LIG1: variants seen among roughly 807,000 people sequenced by gnomAD.
LIG1 encodes ligase I, DNA, ATP-dependent.
LIG1 carries 70 observed loss-of-function variants against 115.7 expected under a neutral mutation model. That is an observed-to-expected ratio of 0.60 (90% CI 0.50 to 0.74). LIG1 has a LOEUF of 0.74. LIG1 is among the 30% of genes least tolerant of loss of function. LIG1 has a pLI of 0.00. For missense variants in LIG1, 1,115 were observed against 1,225.6 expected, an observed-to-expected ratio of 0.91 and a Z score of 1.35; for synonymous variants, 487 against 495.3, an observed-to-expected ratio of 0.98 and a Z score of 0.22.
At chr19:48,118,174 G>A (rs1246558894) in intron 25 of LIG1, among the ~76,000 whole-genome samples, 1 of 152,142 alleles carries the variant, frequency 6.6e-6, no homozygotes, top group Admixed American at 6.5e-5. Context: ...CAGAGATGTA[G>A]AGAGAGAGGG....
At chr19:48,162,138 G>T in intron 3 of LIG1, 124 bp downstream of exon 3, 1 of 832,794 alleles carries the variant, frequency 1.2e-6, no homozygotes, top group Non-Finnish European at 2.1e-6. Context: ...TTGGACTTCT[G>T]GCCACCTGGC....
intron 6 of LIG1, among the ~76,000 whole-genome samples, 182 bp downstream of exon 6, chr19:48,153,687 CACA>C (rs1568538302): frequency 2.8e-4 from 37 of 130,024 alleles, no homozygotes; most frequent in African/African-American, 5.4e-4. Context: ...CACACACACA[CACA>C]CCTCTCCTTC....
chr19:48,163,401 A>C (rs1442868432), intron 2 of LIG1, among the ~76,000 whole-genome samples: 3 of 151,808 alleles, frequency 2.0e-5, no homozygotes, highest in Admixed American at 6.6e-5. Flanking sequence ...TTTTTCATTT[A>C]GTAGAGAAGG....
intron 21 of LIG1, 31 bp from the exon 22 acceptor site, chr19:48,123,349 G>A (rs755830886): frequency 6.2e-7 from 1 of 1,608,796 alleles, no homozygotes; most frequent in South Asian, 1.1e-5. Context: ...AGAGAGATGA[G>A]ACATCTTTGT....
At chr19:48,167,752 G>A (rs572040497) in intron 1 of LIG1, among the ~76,000 whole-genome samples, 1 of 151,318 alleles carries the variant, frequency 6.6e-6, no homozygotes, top group African/African-American at 2.4e-5. Context: ...CTTGATCCCA[G>A]GAGGCAGAGG....
chr19:48,154,141 T>G lies in LIG1; in HGVS notation c.371-174A>C, dbSNP rs951066977. 8 of 670,308 alleles carry G rather than the reference T, an allele frequency of 1.2e-5. No individual in the cohort carries two copies. In the African/African-American group the frequency reaches 1.4e-4, roughly 12 times the overall value. The allele number at this position is 670,308 out of a possible 1,614,324, so 41.5% of individuals were successfully genotyped here. On this transcript the variant is annotated intron_variant, in intron 5 of 27. Transcript: ENST00000263274. ...GCACCCTTCAATCCCTCCTGCTTCC[T>G]GGCTGTGTGACCTTGGGCAGGTTAC...
intron 4 of LIG1, among the ~76,000 whole-genome samples, chr19:48,158,441 C>T (rs1239195987): frequency 2.0e-5 from 3 of 152,196 alleles, no homozygotes; most frequent in South Asian, 2.1e-4. Context: ...AATAAGTTTG[C>T]GTCTTGCCTA....
chr19:48,116,237 A>C, intron 26 of LIG1: 2 of 416,088 alleles, frequency 4.8e-6, no homozygotes, highest in South Asian at 4.2e-5. Flanking sequence ...AGGTCAGGAG[A>C]TGGAGACTAT....
Position 48,149,809 on chromosome 19 carries a change from T to C in LIG1, c.730A>G (p.Lys244Glu). 1.2e-6 allele frequency: 2 copies of C among 1,614,060 alleles called. No individual in the cohort carries two copies. The highest frequency in any genetic ancestry group is 1.7e-6 in the Non-Finnish European group (2 of 1,179,990). ...PRKPAVKKEV[K>E]EEEPGAPGKE... ...CCTGGAGCCCCTGGCTCCTCTTCCTTCACTTCTTTTTTGACTGCTGGCTTC... is the reference window on the plus strand; with the variant it reads ...CCTGGAGCCCCTGGCTCCTCTTCCTCCACTTCTTTTTTGACTGCTGGCTTC... Residue 244 changes from lysine to glutamate, a missense_variant, in exon 9 of 28, where the codon AAG becomes GAG. Physicochemically the swap from Lys to Glu is moderately conservative, Grantham distance 56. Transcript: ENST00000263274.
Position 48,135,558 on chromosome 19 carries a change from A to C in LIG1, c.1523+122T>G, listed in dbSNP as rs1265720975. The C allele has an allele frequency of 6.2e-6, 5 of 812,924 alleles. No homozygotes were observed. The Admixed American group carries it at 6.8e-5, about 11-fold the overall frequency. 50.4% of individuals were successfully genotyped at this position (812,924 alleles called of 1,614,324 possible). On this transcript the variant is annotated intron_variant, in intron 16 of 27. Coordinates refer to ENST00000263274, the MANE Select transcript of LIG1 (RefSeq NM_000234.3). ...CACCTCTGCTCTCAGTCACCCCGTG[A>C]CCGGCACTCGTGATGCCTGTCCGTC...
At chr19:48,125,898 G>C (rs1447393849) in intron 21 of LIG1, among the ~76,000 whole-genome samples, 1 of 149,808 alleles carries the variant, frequency 6.7e-6, no homozygotes, top group Non-Finnish European at 1.5e-5. Flanking sequence ...TGAGGCAGGG[G>C]AATCGCTTGA....
At position 48,157,265 on chromosome 19, in the gene LIG1, C is replaced by T. The variant is rs911011883; in HGVS notation, c.244-125G>A. On this transcript the variant is annotated intron_variant, in intron 4 of 27. Coordinates refer to ENST00000263274, the MANE Select transcript of LIG1 (RefSeq NM_000234.3). The stretch of plus-strand genomic sequence containing the variant: ...TCCTTTCTGACCCTATGGTCTCAGC[C>T]CTAACTCAGGGGTGGCCTCTTCTCA... The T allele has an allele frequency of 3.6e-6, 4 of 1,109,636 alleles. No individual in the cohort carries two copies. In the African/African-American group the frequency reaches 6.3e-5, roughly 17 times the overall value. The allele number at this position is 1,109,636 out of a possible 1,614,324, so 68.7% of individuals were successfully genotyped here.
chr19:48,122,230 AC>A lies in LIG1; in HGVS notation c.2232+703del. On this transcript the variant is annotated intron_variant, in intron 23 of 27. Coordinates refer to ENST00000263274, the MANE Select transcript of LIG1 (RefSeq NM_000234.3). The surrounding 1 kb of genome is among the most constrained non-coding windows in gnomAD (Gnocchi z 4.3). ...ACAGGCTCCTGCTCGCTGGCCCTCA[AC>A]ACACCCGTCCTCCACTCGAGGGGAA... 1 of 155,292 alleles carries A rather than the reference AC, an allele frequency of 6.4e-6. No individual in the cohort carries two copies. Among genetic ancestry groups the A allele is most frequent in the East Asian group, 1.9e-4 (1 of 5,212 alleles). The allele number at this position is 155,292 out of a possible 1,614,324, so 9.6% of individuals were successfully genotyped here.
intron 19 of LIG1, among the ~76,000 whole-genome samples, chr19:48,129,762 A>G (rs2033899029): frequency 6.6e-6 from 1 of 151,940 alleles, no homozygotes; most frequent in East Asian, 1.9e-4. Flanking sequence ...TTGATTTTTT[A>G]TTTTTATTTT....
intron 3 of LIG1, 98 bp downstream of exon 3, chr19:48,162,164 G>T: frequency 8.4e-7 from 1 of 1,196,442 alleles, no homozygotes; most frequent in Non-Finnish European, 1.2e-6. Flanking sequence ...AAGTTTTTTG[G>T]GCCCCAAGAC....
Position 48,117,686 on chromosome 19 carries a change from C to G in LIG1, c.2535G>C (p.Lys845Asn), listed in dbSNP as rs145821638. 6.2e-7 allele frequency: 1 copy of G among 1,612,512 alleles called. No homozygotes were observed. The highest frequency in any genetic ancestry group is 8.5e-7 in the Non-Finnish European group (1 of 1,179,634). Residue 845 changes from lysine (K) to asparagine (N), a missense_variant, in exon 26 of 28, where the codon AAG (lysine) becomes AAC (asparagine). Transcript: ENST00000263274. ...WLDPSAVWEV[K>N]CADLSLSPIY... Reference sequence around the variant, plus strand: ...TGGGAGAGAGGGAGAGGTCAGCGCACTTCACCTCCCACACAGCGCTGGGGT... The same window carrying G: ...TGGGAGAGAGGGAGAGGTCAGCGCAGTTCACCTCCCACACAGCGCTGGGGT...
In LIG1 at chr19:48,137,721, G is replaced by A; in HGVS notation, c.1088-33C>T. ...GGAGAGCGCGGGTGGGGGTGTCGAG[G>A]GTGACAGTTGTGGCTGCGTGTCTCC... On this transcript the variant is annotated intron_variant, in intron 12 of 27. Transcript: ENST00000263274. This position sits in a 1 kb window ranked among gnomAD's most constrained non-coding sequence, Gnocchi z 4.3. The A allele has an allele frequency of 6.3e-7, 1 of 1,599,130 alleles. No individual in the cohort carries two copies. The highest frequency in any genetic ancestry group is 1.3e-5 in the African/African-American group (1 of 75,006).
At chr19:48,135,864 A>C in intron 15 of LIG1, 85 bp from the exon 16 acceptor site, 1 of 1,336,422 alleles carries the variant, frequency 7.5e-7, no homozygotes, top group Non-Finnish European at 1.1e-6. Context: ...CTGTATGGCA[A>C]GGAATGCAGA....
chr19:48,139,762 T>A (rs1469109750), intron 12 of LIG1, among the ~76,000 whole-genome samples: 2 of 144,952 alleles, frequency 1.4e-5, no homozygotes, highest in East Asian at 4.4e-4. Context: ...TCCCAGCACA[T>A]GCCTGGTCCT....
Sources: allele counts gnomAD v4.1 joint callset (sites outside exome capture counted in the v4.1 genomes callset), GRCh38; gene constraint gnomAD v4.1.1; non-coding constraint Gnocchi (gnomAD v3.1); transcripts MANE v1.5; gene names NCBI Gene and HGNC (gene_info 2026-07-23, HGNC 2026-07-21).